Variants in VTI1A observed in about 807,000 individuals in gnomAD.
VTI1A encodes vesicle transport through interaction with t-SNAREs homolog 1A.
A neutral mutation model predicts 34.9 loss-of-function variants in VTI1A; 22 were observed. The ratio of observed to expected loss-of-function variants is 0.63; its 90% confidence interval spans 0.45 to 0.90. The LOEUF (loss-of-function observed/expected upper bound fraction) is 0.90, where lower values mean the gene tolerates loss of function less well. Among genes scored for constraint, VTI1A ranks in the 40% least tolerant of loss-of-function variants. The pLI is 0.00. For synonymous variants in VTI1A, 87 were observed against 97.3 expected (o/e 0.89, Z 0.62); for missense variants, 268 against 275.6 (o/e 0.97, Z 0.20).
intron 3 of VTI1A, among the ~76,000 whole-genome samples, chr10:112,465,831 C>CTTAAAATGGTTAAAGTATGAACTGA (rs1412217964): frequency 2.0e-5 from 3 of 152,082 alleles, no homozygotes; most frequent in Non-Finnish European, 4.4e-5. Flanking sequence ...CTGAACCATA[C>CTTAAAATGGTTAAAGTATGAACTGA]ACTTAAAAAT....
chr10:112,539,697 C>T (rs941133688), intron 5 of VTI1A, among the ~76,000 whole-genome samples: 9 of 152,116 alleles, frequency 5.9e-5, no homozygotes, highest in Admixed American at 4.6e-4. Flanking sequence ...CACGTAACCT[C>T]GCTGAGCCTC....
At position 112,518,101 on chromosome 10, in the gene VTI1A, A is replaced by G. The variant is rs544092201; in HGVS notation, c.265-8986A>G. Among the ~76,000 whole-genome samples the G allele has an allele frequency of 3.3e-5, 5 of 152,192 alleles. No individual in the cohort carries two copies. The South Asian group carries it at 1.0e-3, about 32-fold the overall frequency. On this transcript the variant is annotated intron_variant, in intron 3 of 7. Coordinates refer to ENST00000393077, the MANE Select transcript of VTI1A (RefSeq NM_145206.4). Reference sequence around the variant, plus strand: ...TGGCCAATAATTTTGACAACTAGGAAGTCATTGGTGATCTTTGGAAGACCT... The same window carrying G: ...TGGCCAATAATTTTGACAACTAGGAGGTCATTGGTGATCTTTGGAAGACCT...
intron 5 of VTI1A, among the ~76,000 whole-genome samples, chr10:112,572,755 C>T (rs1323916109): frequency 6.0e-5 from 9 of 150,700 alleles, no homozygotes; most frequent in African/African-American, 2.0e-4. Flanking sequence ...AGGAGAACGG[C>T]GTGAACCCGG....
chr10:112,640,988 G>T (rs926057030), intron 5 of VTI1A, among the ~76,000 whole-genome samples: 3 of 152,118 alleles, frequency 2.0e-5, no homozygotes, highest in Admixed American at 2.0e-4. Flanking sequence ...GGCATATTCA[G>T]ATTGGCTGTT....
intron 7 of VTI1A, among the ~76,000 whole-genome samples, chr10:112,765,824 C>T (rs1851630753): frequency 2.0e-5 from 3 of 152,176 alleles, no homozygotes; most frequent in Admixed American, 2.0e-4. Context: ...GATGTCTGGG[C>T]CCTACCCCAG....
At chr10:112,592,311 C>A (rs968510830) in intron 5 of VTI1A, among the ~76,000 whole-genome samples, 1 of 152,130 alleles carries the variant, frequency 6.6e-6, no homozygotes, top group Non-Finnish European at 1.5e-5. Flanking sequence ...TTTAAGCCAC[C>A]GAGCTTTTGG....
intron 7 of VTI1A, among the ~76,000 whole-genome samples, chr10:112,704,755 C>G (rs1466939590): frequency 6.6e-6 from 1 of 152,090 alleles, no homozygotes; most frequent in Non-Finnish European, 1.5e-5. Context: ...AATGCTGTGG[C>G]TATAGTAGTG....
intron 3 of VTI1A, among the ~76,000 whole-genome samples, chr10:112,489,941 G>C (rs1309277641): frequency 6.6e-6 from 1 of 152,084 alleles, no homozygotes; most frequent in Non-Finnish European, 1.5e-5. Context: ...CCTGAAATCT[G>C]GATTAGAAAA....
In VTI1A at chr10:112,639,271, A is replaced by G. The variant is rs1846475652; in HGVS notation, c.428-28947A>G. On this transcript the variant is annotated intron_variant, in intron 5 of 7. Transcript: ENST00000393077. ...CATTGACAATTAAAAATGCATAATG[A>G]GAGTCGACATGATTATAAAAAGCAA... 2.6e-5 allele frequency among the ~76,000 whole-genome samples: 4 copies of G among 152,326 alleles called. No homozygotes were observed. In the South Asian group the frequency reaches 8.3e-4, roughly 32 times the overall value.
At chr10:112,818,966 G>C (rs747938728), downstream of VTI1A, among the ~76,000 whole-genome samples, 4 of 152,002 alleles carry the variant, frequency 2.6e-5, no homozygotes, top group Non-Finnish European at 5.9e-5. Context: ...GTCAAAAATA[G>C]GTTATATCTT....
intron 7 of VTI1A, among the ~76,000 whole-genome samples, chr10:112,731,384 C>G (rs925462446): frequency 2.0e-5 from 3 of 152,036 alleles, no homozygotes; most frequent in Non-Finnish European, 2.9e-5. Flanking sequence ...ACCAGCCTGC[C>G]CAACATGGCG....
At chr10:112,588,116 T>G (rs1010427957) in intron 5 of VTI1A, among the ~76,000 whole-genome samples, 6 of 152,200 alleles carry the variant, frequency 3.9e-5, no homozygotes, top group Non-Finnish European at 7.3e-5. Context: ...TCTTCTAACT[T>G]GAACTTAGCT....
intron 3 of VTI1A, among the ~76,000 whole-genome samples, chr10:112,482,952 A>G (rs1412175965): frequency 1.3e-5 from 2 of 152,188 alleles, no homozygotes; most frequent in African/African-American, 4.8e-5. Context: ...GGGCTAAACA[A>G]CTGTCACTGG....
intron 7 of VTI1A, among the ~76,000 whole-genome samples, chr10:112,688,467 T>C (rs537275805): frequency 9.9e-5 from 15 of 152,080 alleles, no homozygotes; most frequent in Admixed American, 9.2e-4. Flanking sequence ...CAGTTTTAAG[T>C]TCTGCCTTTT....
intron 3 of VTI1A, among the ~76,000 whole-genome samples, chr10:112,518,974 G>C (rs886832042): frequency 1.3e-5 from 2 of 151,738 alleles, no homozygotes; most frequent in Non-Finnish European, 2.9e-5. Context: ...AGAAAATTTG[G>C]ACTAAATTAA....
intron 5 of VTI1A, among the ~76,000 whole-genome samples, chr10:112,626,689 T>A (rs7898876): frequency 0.67 from 102,560 of 152,016 alleles, 35,133 homozygotes; most frequent in African/African-American, 0.76. Context: ...ACCATATGTG[T>A]TGGTCAAAAG....
intron 3 of VTI1A, among the ~76,000 whole-genome samples, chr10:112,483,091 G>A (rs926499316): frequency 2.0e-5 from 3 of 152,182 alleles, no homozygotes; most frequent in African/African-American, 2.4e-5. Flanking sequence ...AAGGATGCTG[G>A]AAGCAACTGT....
intron 5 of VTI1A, among the ~76,000 whole-genome samples, chr10:112,618,368 ACATCATCAT>A (rs1230607796): frequency 6.6e-6 from 1 of 150,402 alleles, no homozygotes; most frequent in African/African-American, 2.5e-5. Flanking sequence ...TACCTCATCA[ACATCATCAT>A]CATCATCATC....
intron 5 of VTI1A, among the ~76,000 whole-genome samples, chr10:112,561,904 C>CT (rs1851735585): frequency 6.6e-6 from 1 of 152,078 alleles, no homozygotes; most frequent in Non-Finnish European, 1.5e-5. Context: ...TTCTGAGTTG[C>CT]TTTTATCATC....
Sources: allele counts gnomAD v4.1 joint callset (sites outside exome capture counted in the v4.1 genomes callset), GRCh38; gene constraint gnomAD v4.1.1; transcripts MANE v1.5; gene names NCBI Gene and HGNC (gene_info 2026-07-23, HGNC 2026-07-21).